Variants in TBC1D8 observed in about 807,000 individuals in gnomAD.
TBC1D8 encodes the protein BUB2-like protein 1.
In TBC1D8, 65 loss-of-function variants were observed where a neutral mutation model predicts 118.8. The observed-to-expected ratio is 0.55, with a 90% CI of 0.45 to 0.67. The LOEUF is 0.67. TBC1D8 is among the 30% of genes least tolerant of loss of function. The probability of loss-of-function intolerance (pLI) is 0.00; values close to 1 mark genes in which losing one functional copy is unlikely to be tolerated. For missense variants in TBC1D8, 1,376 were observed against 1,471.2 expected, an observed-to-expected ratio of 0.94 and a Z score of 1.06; for synonymous variants, 566 against 595.8, an observed-to-expected ratio of 0.95 and a Z score of 0.73.
intron 1 of TBC1D8, among the ~76,000 whole-genome samples, chr2:101,146,818 T>A (rs1347271192): frequency 6.6e-6 from 1 of 152,178 alleles, no homozygotes; most frequent in Non-Finnish European, 1.5e-5. Flanking sequence ...AACTTACTTC[T>A]CCTATCTAAC....
intron 1 of TBC1D8, among the ~76,000 whole-genome samples, chr2:101,144,576 GTAAGTT>G (rs769839787): frequency 1.2e-4 from 19 of 152,160 alleles, no homozygotes; most frequent in Non-Finnish European, 2.6e-4. Context: ...TACCATTGAT[GTAAGTT>G]TTTAAAATAG....
intron 1 of TBC1D8, among the ~76,000 whole-genome samples, chr2:101,139,087 C>A (rs1186906402): frequency 1.3e-5 from 2 of 151,990 alleles, no homozygotes; most frequent in Non-Finnish European, 2.9e-5. Context: ...TTCTTCCATG[C>A]ATTTTTTTTT....
chr2:101,082,299 A>G (rs1290366078), intron 2 of TBC1D8, among the ~76,000 whole-genome samples: 1 of 152,186 alleles, frequency 6.6e-6, no homozygotes, highest in Non-Finnish European at 1.5e-5. Flanking sequence ...GGACAGAGTC[A>G]TGACTAAGAC....
chr2:101,117,874 C>CTTTTTTTT (rs35760018), intron 1 of TBC1D8, among the ~76,000 whole-genome samples: 2 of 116,188 alleles, frequency 1.7e-5, no homozygotes, highest in African/African-American at 3.3e-5. Flanking sequence ...CGCACCCGGC[C>CTTTTTTTT]TTTTTTTTTT....
rs555423938 is a variant in TBC1D8 at position 101,007,979 on chromosome 2, A to G, written c.3310T>C (p.Leu1104=). The part of the protein sequence containing the change: ...RDWTVSLEHI[L]ASLLTEQSLV... Reference sequence around the variant, plus strand: ...GACTGTTCAGTCAGAAGTGAAGCTAAAATATGTTCAAGGGAGACAGTCCAG... The same window carrying G: ...GACTGTTCAGTCAGAAGTGAAGCTAGAATATGTTCAAGGGAGACAGTCCAG... Residue 1104 remains leucine, a synonymous_variant, in exon 20 of 20, where the codon TTA becomes CTA. Coordinates refer to ENST00000409318, the MANE Select transcript of TBC1D8 (RefSeq NM_001330348.2). The G allele has an allele frequency of 6.2e-7, 1 of 1,613,940 alleles. No homozygotes were observed. The highest frequency in any genetic ancestry group is 1.3e-5 in the African/African-American group (1 of 74,942).
chr2:101,011,868 T>G (rs1389047968), intron 17 of TBC1D8, among the ~76,000 whole-genome samples: 1 of 152,224 alleles, frequency 6.6e-6, no homozygotes, highest in South Asian at 2.1e-4. Flanking sequence ...AACTGAAATA[T>G]ATCCATGCAC....
At chr2:101,084,121 G>A (rs1282964384) in intron 2 of TBC1D8, among the ~76,000 whole-genome samples, 1 of 152,208 alleles carries the variant, frequency 6.6e-6, no homozygotes, top group Non-Finnish European at 1.5e-5. Context: ...AAAGGAAGCT[G>A]ATCTCGGCTC....
intron 1 of TBC1D8, among the ~76,000 whole-genome samples, chr2:101,105,217 A>G (rs1677124270): frequency 1.3e-5 from 2 of 152,282 alleles, no homozygotes; most frequent in South Asian, 4.2e-4. Context: ...TGACTGAGAG[A>G]AAGTACTTGC....
Position 101,112,279 on chromosome 2 carries a change from T to C in TBC1D8, c.128-21915A>G, listed in dbSNP as rs148166999. On this transcript the variant is annotated intron_variant, in intron 1 of 19. Coordinates refer to ENST00000409318, the MANE Select transcript of TBC1D8 (RefSeq NM_001330348.2). The stretch of plus-strand genomic sequence containing the variant: ...CACTGCTGTGTCTTTCTCACACTTG[T>C]TGCTGTGGCTTTAAAGAATACAGTT... Among the ~76,000 whole-genome samples, 25 of 152,336 alleles carry C rather than the reference T, an allele frequency of 1.6e-4. No homozygotes were observed. The East Asian group carries it at 3.9e-3, about 23-fold the overall frequency.
At chr2:101,027,140 G>A (rs1163692806) in intron 15 of TBC1D8, among the ~76,000 whole-genome samples, 2 of 152,332 alleles carry the variant, frequency 1.3e-5, no homozygotes, top group East Asian at 3.9e-4. Flanking sequence ...CGCGAGGCCA[G>A]GCCTGCTGGG....
intron 1 of TBC1D8, among the ~76,000 whole-genome samples, chr2:101,104,108 A>T (rs1290663526): frequency 6.6e-6 from 1 of 152,210 alleles, no homozygotes; most frequent in African/African-American, 2.4e-5. Context: ...GAAGGAAAAA[A>T]AATTACCATT....
rs1449046317 is a variant in TBC1D8 at position 101,151,305 on chromosome 2, C to G, written c.-52G>C. On this transcript the variant is annotated 5_prime_UTR_variant, in exon 1 of 20. Coordinates refer to ENST00000409318, the MANE Select transcript of TBC1D8 (RefSeq NM_001330348.2). Reference sequence around the variant, plus strand: ...CCCCAGCTCACATCTCCCCGGCCGCCGGTCGCTGTGAGCCGAGCCCGCTCG... The same window carrying G: ...CCCCAGCTCACATCTCCCCGGCCGCGGGTCGCTGTGAGCCGAGCCCGCTCG... 5.4e-6 allele frequency: 6 copies of G among 1,105,994 alleles called. No homozygotes were observed. In the African/African-American group the frequency reaches 1.0e-4, roughly 19 times the overall value. 68.5% of individuals were successfully genotyped at this position (1,105,994 alleles called of 1,614,324 possible). A position where few individuals can be genotyped will look rare whatever the true frequency, so the allele number is the denominator to read the frequency against.
In TBC1D8 at chr2:101,011,739, A is replaced by C. The variant is rs187865794; in HGVS notation, c.2828-199T>G. Among the ~76,000 whole-genome samples, 188 of 152,340 alleles carry C rather than the reference A, an allele frequency of 1.2e-3. 1 individual carries two copies. The highest frequency in any genetic ancestry group is 1.4e-3 in the Non-Finnish European group (94 of 68,034). On this transcript the variant is annotated intron_variant, in intron 17 of 19. Transcript: ENST00000409318. ...AGAAAATAAAATGTCCCCCACACCA[A>C]GTGTGCCTTTTCCCAGAGGTATGTG...
chr2:101,020,302 A>G (rs939590973), intron 17 of TBC1D8, among the ~76,000 whole-genome samples: 1 of 151,662 alleles, frequency 6.6e-6, no homozygotes, highest in Non-Finnish European at 1.5e-5. Context: ...AATGCCAGAT[A>G]TAGATAATGA....
intron 4 of TBC1D8, among the ~76,000 whole-genome samples, chr2:101,051,566 G>A (rs1402415294): frequency 6.6e-6 from 1 of 151,676 alleles, no homozygotes; most frequent in Non-Finnish European, 1.5e-5. Flanking sequence ...TCTCACAAAG[G>A]TCTAATATCC....
chr2:101,044,534 T>C (rs1435408285), intron 5 of TBC1D8, among the ~76,000 whole-genome samples: 1 of 152,182 alleles, frequency 6.6e-6, no homozygotes, highest in Non-Finnish European at 1.5e-5. Context: ...TGCCTTCACT[T>C]TTCCTCCGTA....
At chr2:101,147,252 T>C (rs967125991) in intron 1 of TBC1D8, among the ~76,000 whole-genome samples, 1 of 152,240 alleles carries the variant, frequency 6.6e-6, no homozygotes, top group Non-Finnish European at 1.5e-5. Context: ...ATCTTGGCTA[T>C]TGTAAATAGT....
intron 2 of TBC1D8, among the ~76,000 whole-genome samples, chr2:101,076,472 T>G (rs1340205634): frequency 6.6e-6 from 1 of 152,200 alleles, no homozygotes; most frequent in African/African-American, 2.4e-5. Flanking sequence ...AGAGTATTCT[T>G]CCTAAAAACA....
chr2:101,104,851 T>C (rs989797909), intron 1 of TBC1D8, among the ~76,000 whole-genome samples: 3 of 151,894 alleles, frequency 2.0e-5, no homozygotes, highest in Admixed American at 6.6e-5. Flanking sequence ...CCGTCTCTAC[T>C]AAAAATACAA....
Sources: allele counts gnomAD v4.1 joint callset (sites outside exome capture counted in the v4.1 genomes callset), GRCh38; gene constraint gnomAD v4.1.1; transcripts MANE v1.5; gene names NCBI Gene and HGNC (gene_info 2026-07-23, HGNC 2026-07-21).